Variants in TIAM2 observed in about 807,000 individuals in gnomAD.
TIAM2 encodes the protein TIAM Rac1 associated GEF 2, also known as rho guanine nucleotide exchange factor TIAM2.
In TIAM2, 80 loss-of-function variants were observed where a neutral mutation model predicts 152.9. The ratio of observed to expected loss-of-function variants is 0.52; its 90% CI spans 0.44 to 0.63. The LOEUF (loss-of-function observed/expected upper bound fraction) is 0.63, where lower values mean the gene tolerates loss of function less well. Ranked by LOEUF, TIAM2 falls within the 30% of genes least tolerant of loss-of-function variation. The probability of loss-of-function intolerance (pLI) is 0.00; values close to 1 mark genes in which losing one functional copy is unlikely to be tolerated. For synonymous variants in TIAM2, 804 were observed against 838.0 expected, an observed-to-expected ratio of 0.96 and a Z score of 0.70; for missense variants, 1,965 against 2,120.1, an observed-to-expected ratio of 0.93 and a Z score of 1.44.
chr6:155,083,197 A>G (rs1199469291), intron 1 of TIAM2, among the ~76,000 whole-genome samples: 3 of 151,920 alleles, frequency 2.0e-5, no homozygotes, highest in Non-Finnish European at 4.4e-5. Flanking sequence ...AAAAGTACAA[A>G]AATTAGCCGG....
chr6:155,024,178 T>C (rs879251967), intron 1 of TIAM2, among the ~76,000 whole-genome samples: 1 of 152,198 alleles, frequency 6.6e-6, no homozygotes, highest in Non-Finnish European at 1.5e-5. Context: ...TTTATGATTC[T>C]GGGAAAAGTA....
chr6:155,045,187 C>T (rs892181658), intron 1 of TIAM2, among the ~76,000 whole-genome samples: 3 of 151,824 alleles, frequency 2.0e-5, no homozygotes, highest in Admixed American at 2.0e-4. Context: ...CTGCCTCGGC[C>T]TCCGTAGTAG....
intron 1 of TIAM2, among the ~76,000 whole-genome samples, chr6:155,039,250 T>G (rs1174126969): frequency 1.3e-5 from 2 of 151,976 alleles, no homozygotes; most frequent in African/African-American, 4.8e-5. Flanking sequence ...TGTGAGCCAC[T>G]ATGCCTGAAC....
chr6:155,048,174 A>G (rs1777244916), intron 1 of TIAM2, among the ~76,000 whole-genome samples: 1 of 152,086 alleles, frequency 6.6e-6, no homozygotes, highest in Non-Finnish European at 1.5e-5. Flanking sequence ...GCTGGTTTTG[A>G]ACGCCTGACC....
intron 1 of TIAM2, among the ~76,000 whole-genome samples, chr6:155,040,808 C>A (rs1321756829): frequency 6.6e-6 from 1 of 152,128 alleles, no homozygotes; most frequent in African/African-American, 2.4e-5. Context: ...TGTGAGCCAC[C>A]CTGCCTGGCT....
At chr6:155,217,244 G>C (rs1306855553) in intron 15 of TIAM2, among the ~76,000 whole-genome samples, 1 of 152,220 alleles carries the variant, frequency 6.6e-6, no homozygotes, top group Non-Finnish European at 1.5e-5. Flanking sequence ...TTTCTCCCCA[G>C]AAGGGATTCT....
chr6:155,221,763 C>G (rs1782052929), intron 15 of TIAM2, among the ~76,000 whole-genome samples: 1 of 152,096 alleles, frequency 6.6e-6, no homozygotes, highest in African/African-American at 2.4e-5. Flanking sequence ...CCTCTCCATG[C>G]CCCTCAGCCC....
rs1314992558 is a variant in TIAM2 at position 155,156,266 on chromosome 6, G to A, written c.2028+7932G>A. ...GTAGACAGGGGAAGTAGGACTGTCTGTCACTCTCTCCTCCCGGTACCACTG... is the reference window on the plus strand; with the variant it reads ...GTAGACAGGGGAAGTAGGACTGTCTATCACTCTCTCCTCCCGGTACCACTG... On this transcript the variant is annotated intron_variant, in intron 7 of 26. Coordinates refer to ENST00000682666, the MANE Select transcript of TIAM2 (RefSeq NM_012454.4). The surrounding 1 kb of genome is among the most constrained non-coding windows in gnomAD (Gnocchi z 4.4). Among the ~76,000 whole-genome samples the A allele has an allele frequency of 6.6e-6, 1 of 152,116 alleles. No individual in the cohort carries two copies. The highest frequency in any genetic ancestry group is 2.4e-5 in the African/African-American group (1 of 41,436).
chr6:155,013,476 T>A (rs1309649993), intron 1 of TIAM2, among the ~76,000 whole-genome samples: 4 of 152,216 alleles, frequency 2.6e-5, no homozygotes, highest in African/African-American at 9.6e-5. Flanking sequence ...GGCGCTGTGC[T>A]AGGTACTTCC....
At chr6:155,234,501 C>G (rs1254819920) in intron 15 of TIAM2, among the ~76,000 whole-genome samples, 1 of 152,206 alleles carries the variant, frequency 6.6e-6, no homozygotes, top group East Asian at 1.9e-4. Context: ...CTCCTGGGCT[C>G]AAGCCATCCT....
At chr6:155,152,292 G>A (rs1779990469) in intron 7 of TIAM2, among the ~76,000 whole-genome samples, 1 of 152,334 alleles carries the variant, frequency 6.6e-6, no homozygotes, top group South Asian at 2.1e-4. Context: ...GGAAGGCTTT[G>A]GGATCCAACA....
chr6:154,996,075 G>T lies in TIAM2; in HGVS notation c.-209+583G>T, dbSNP rs7753908. On this transcript the variant is annotated intron_variant, in intron 1 of 26. Transcript: ENST00000682666. ...CCCGGACGGGCGCGGCTCCTGGGGG[G>T]GCTGAGGTGCCAAGTTTCTGTGAAA... 2.6e-3 allele frequency among the ~76,000 whole-genome samples: 389 copies of T among 152,324 alleles called. 1 individual carries two copies. Among genetic ancestry groups the T allele is most frequent in the African/African-American group, 8.9e-3 (371 of 41,568 alleles).
intron 4 of TIAM2, among the ~76,000 whole-genome samples, chr6:155,131,077 A>G (rs916599894): frequency 2.6e-5 from 4 of 152,358 alleles, no homozygotes; most frequent in Admixed American, 2.6e-4. Flanking sequence ...AGACTTGGCC[A>G]TAGCCGGTGT....
intron 2 of TIAM2, among the ~76,000 whole-genome samples, chr6:155,115,891 C>T (rs1399878047): frequency 6.6e-6 from 1 of 152,180 alleles, no homozygotes; most frequent in Admixed American, 6.5e-5. Flanking sequence ...GTGGGCGGCT[C>T]ACCTGAGATC....
At chr6:155,254,296 G>A in intron 25 of TIAM2, 123 bp from the exon 26 acceptor site, 1 of 1,326,764 alleles carries the variant, frequency 7.5e-7, no homozygotes, top group Non-Finnish European at 1.0e-6. Flanking sequence ...TGGCACTGCT[G>A]CTGGGTGGCT....
rs755107437 is a variant in TIAM2 at position 155,164,483 on chromosome 6, C to T, written c.2097C>T (p.Ala699=). ...TGTTCAGGATGCGCTGCTATCTGGC[C>T]AGCCTACAAGGTGGGGAGTTACCGA... The part of the protein sequence containing the change: ...MDLFRMRCYL[A]SLQGGELPNP... Residue 699 remains alanine (A), a synonymous_variant, in exon 8 of 27, where the codon GCC becomes GCT. Coordinates refer to ENST00000682666, the MANE Select transcript of TIAM2 (RefSeq NM_012454.4). The T allele has an allele frequency of 1.9e-6, 3 of 1,614,086 alleles. No homozygotes were observed. The highest frequency in any genetic ancestry group is 1.7e-5 in the Admixed American group (1 of 60,014).
At chr6:155,199,992 CAGAT>C (rs1472590838) in intron 14 of TIAM2, among the ~76,000 whole-genome samples, 1 of 152,192 alleles carries the variant, frequency 6.6e-6, no homozygotes, top group African/African-American at 2.4e-5. Flanking sequence ...GTGGCACACA[CAGAT>C]AGAACTGTGT....
intron 4 of TIAM2, among the ~76,000 whole-genome samples, chr6:155,135,921 G>A (rs891281779): frequency 3.9e-5 from 6 of 152,020 alleles, no homozygotes; most frequent in Non-Finnish European, 5.9e-5. Flanking sequence ...CTGGCCGGGC[G>A]CGGTGGCTCA....
In TIAM2 at chr6:155,114,042, TTTTTTTTC is replaced by T. The variant is rs1332914166; in HGVS notation, c.-117-13440_-117-13433del. Among the ~76,000 whole-genome samples the T allele has an allele frequency of 1.5e-3, 67 of 44,938 alleles. 1 individual carries two copies. Among genetic ancestry groups the T allele is most frequent in the Middle Eastern group, 9.6e-3 (1 of 104 alleles). The allele number at this position is 44,938 out of a possible 152,430, so 29.5% of individuals were successfully genotyped here. ...TATATATATATATATATATATTTTT[TTTTTTTTC>T]TTTTTTTTTTTTTTTTTTTTTGAAA... On this transcript the variant is annotated intron_variant, in intron 2 of 26. Transcript: ENST00000682666.
Sources: gnomAD v4.1 joint callset for allele counts (sites outside exome capture counted in the v4.1 genomes callset) on GRCh38, gnomAD v4.1.1 for gene constraint, Gnocchi (gnomAD v3.1) non-coding constraint, MANE v1.5 for transcripts, NCBI Gene and HGNC (gene_info 2026-07-23, HGNC 2026-07-21) for gene names.